POC1B: variants seen among roughly 807,000 people sequenced by gnomAD.
The protein encoded by POC1B is POC1 centriolar protein B, also known as POC1 centriolar protein homolog B.
Under a neutral mutation model 60.6 loss-of-function variants are expected in POC1B, and 44 were observed. That is an observed-to-expected ratio of 0.73 (90% CI 0.57 to 0.93). The LOEUF is 0.93. POC1B is among the 40% of genes least tolerant of loss of function. The pLI is 0.00. For synonymous variants in POC1B, 180 were observed against 198.9 expected, an observed-to-expected ratio of 0.90 and a Z score of 0.80; for missense variants, 555 against 572.3, an observed-to-expected ratio of 0.97 and a Z score of 0.31.
intron 10 of POC1B, among the ~76,000 whole-genome samples, chr12:89,448,784 A>G (rs1256086483): frequency 6.6e-6 from 1 of 152,236 alleles, no homozygotes; most frequent in Non-Finnish European, 1.5e-5. Context: ...CTTCCTGATG[A>G]GCATTCTAAC....
chr12:89,438,104 T>C (rs779508474), intron 10 of POC1B, among the ~76,000 whole-genome samples: 8 of 151,812 alleles, frequency 5.3e-5, no homozygotes, highest in Non-Finnish European at 8.8e-5. Context: ...TTTCTCACCC[T>C]TCCCTCTACT....
intron 9 of POC1B, chr12:89,460,801 AAT>A (rs1882454540): frequency 6.6e-6 from 1 of 152,220 alleles, no homozygotes; most frequent in African/African-American, 2.4e-5. Context: ...TATAGATTCA[AAT>A]ATATAAAGTT....
intron 10 of POC1B, among the ~76,000 whole-genome samples, chr12:89,453,959 A>G (rs1290047125): frequency 1.3e-5 from 2 of 152,246 alleles, no homozygotes; most frequent in African/African-American, 4.8e-5. Context: ...TCCTAAAAAT[A>G]GGCTGATGCA....
At chr12:89,525,766 G>A in intron 1 of POC1B, 115 bp downstream of exon 1, 1 of 1,362,412 alleles carries the variant, frequency 7.3e-7, no homozygotes, top group South Asian at 1.8e-5. Flanking sequence ...TCAGGACCCG[G>A]CTACGGACAC....
chr12:89,524,213 G>A (rs750682336), intron 2 of POC1B: 3 of 1,613,976 alleles, frequency 1.9e-6, no homozygotes, highest in Admixed American at 3.3e-5. Flanking sequence ...ATGTGTCGAT[G>A]CAGGGAAATC....
At chr12:89,483,831 A>C (rs972054578) in intron 4 of POC1B, among the ~76,000 whole-genome samples, 14 of 151,464 alleles carry the variant, frequency 9.2e-5, no homozygotes, top group African/African-American at 3.2e-4. Context: ...TTTTAGGCAG[A>C]AAAGAAATGA....
At chr12:89,403,290 A>T in the POC1B span, among the ~76,000 whole-genome samples, 1 of 152,200 alleles carries the variant, frequency 6.6e-6, no homozygotes, top group Non-Finnish European at 1.5e-5. Context: ...TATAGGCGTG[A>T]GCCACCACGC....
chr12:89,448,477 C>T (rs1289447700), intron 10 of POC1B, among the ~76,000 whole-genome samples: 1 of 152,210 alleles, frequency 6.6e-6, no homozygotes, highest in Non-Finnish European at 1.5e-5. Context: ...TTTCTGCATA[C>T]ACAGTTCCTA....
chr12:89,460,920 T>C (rs1258852287), intron 9 of POC1B: 4 of 152,130 alleles, frequency 2.6e-5, no homozygotes, highest in Non-Finnish European at 5.9e-5. Flanking sequence ...TGAAACATTA[T>C]GAATACAAAG....
chr12:89,426,402 T>A (rs979667804), intron 10 of POC1B: 6 of 152,228 alleles, frequency 3.9e-5, no homozygotes, highest in African/African-American at 1.4e-4. Context: ...AAATTTTACA[T>A]TATGTATATG....
chr12:89,513,535 G>A (rs1387426068), intron 2 of POC1B, among the ~76,000 whole-genome samples: 1 of 152,226 alleles, frequency 6.6e-6, no homozygotes, highest in Non-Finnish European at 1.5e-5. Context: ...TGCAAACCCT[G>A]TGAAAATACT....
rs972058107 is a variant in POC1B, at chr12:89,475,910, C to CTTTTTTT, written c.453-3642_453-3636dup. ...ATTCACTCAAAAGAATGAGGGAATT[C>CTTTTTTT]TTTTTTTTTTTTTTTTTTTTTTTTG... On this transcript the variant is annotated intron_variant, in intron 4 of 11. Coordinates refer to ENST00000313546, the MANE Select transcript of POC1B (RefSeq NM_172240.3). Among the ~76,000 whole-genome samples the CTTTTTTT allele has an allele frequency of 6.6e-4, 57 of 86,118 alleles. 2 individuals carry two copies. Among genetic ancestry groups the CTTTTTTT allele is most frequent in the African/African-American group, 2.4e-3 (52 of 21,410 alleles). 56.5% of individuals were successfully genotyped at this position (86,118 alleles called of 152,430 possible).
intron 4 of POC1B, among the ~76,000 whole-genome samples, chr12:89,475,910 CTTTTTTT>C (rs972058107): frequency 2.3e-5 from 2 of 86,140 alleles, no homozygotes; most frequent in Non-Finnish European, 4.3e-5. Flanking sequence ...TGAGGGAATT[CTTTTTTT>C]TTTTTTTTTT....
chr12:89,415,511 C>T (rs1232066972), downstream of POC1B, among the ~76,000 whole-genome samples: 2 of 151,968 alleles, frequency 1.3e-5, no homozygotes, highest in Non-Finnish European at 2.9e-5. Context: ...GGCGTGGTAG[C>T]GGGTGCCTGT....
At chr12:89,406,721 C>T in the POC1B span, among the ~76,000 whole-genome samples, 1 of 151,850 alleles carries the variant, frequency 6.6e-6, no homozygotes, top group Non-Finnish European at 1.5e-5. Context: ...CAGGTTAGGG[C>T]CATGAAGACA....
downstream of POC1B, among the ~76,000 whole-genome samples, chr12:89,418,166 T>C (rs369697639): frequency 1.6e-4 from 24 of 152,220 alleles, no homozygotes; most frequent in East Asian, 4.1e-3. Context: ...TCTGAACAGG[T>C]ACCAGGTGAG....
chr12:89,413,227 A>G, the POC1B span, among the ~76,000 whole-genome samples: 2 of 150,542 alleles, frequency 1.3e-5, no homozygotes, highest in Non-Finnish European at 3.0e-5. Flanking sequence ...AAATTTAGAA[A>G]CAGGGTCTCA....
Position 89,518,797 on chromosome 12 carries a change from T to A in POC1B, c.100+6323A>T, listed in dbSNP as rs147946089. Among the ~76,000 whole-genome samples the A allele has an allele frequency of 2.7e-3, 407 of 152,260 alleles. 1 individual carries two copies. Among genetic ancestry groups the A allele is most frequent in the Middle Eastern group, 6.8e-3 (2 of 294 alleles). On this transcript the variant is annotated intron_variant, in intron 2 of 11. Transcript: ENST00000313546. ...GATTTACACAGAGCTGCAAGTCACT[T>A]AGAGAGTAAGGTTAGAATACAAGTA... is the stretch of plus-strand genomic sequence containing the variant.
At chr12:89,402,477 A>G in the POC1B span, among the ~76,000 whole-genome samples, 1 of 152,190 alleles carries the variant, frequency 6.6e-6, no homozygotes, top group South Asian at 2.1e-4. Flanking sequence ...CCAGGTATTA[A>G]GCCCAGTACC....
Sources: allele counts gnomAD v4.1 joint callset (sites outside exome capture counted in the v4.1 genomes callset), GRCh38; gene constraint gnomAD v4.1.1; transcripts MANE v1.5; gene names NCBI Gene and HGNC (gene_info 2026-07-23, HGNC 2026-07-21).